Variants in RCAN2 observed in about 807,000 individuals in gnomAD.
RCAN2 encodes calcipressin-2.
Under a neutral mutation model 23.6 loss-of-function variants are expected in RCAN2, and 9 were observed. The ratio of observed to expected loss-of-function variants is 0.38; its 90% CI spans 0.23 to 0.67. The LOEUF is 0.67. Ranked by LOEUF, RCAN2 falls within the 30% of genes least tolerant of loss-of-function variation. The pLI, the probability that RCAN2 is intolerant of heterozygous loss-of-function variation, is 0.51. For missense variants in RCAN2, 273 were observed against 302.3 expected, an observed-to-expected ratio of 0.90 and a Z score of 0.72; for synonymous variants, 109 against 115.7, an observed-to-expected ratio of 0.94 and a Z score of 0.37.
Position 46,347,423 on chromosome 6 carries a change from T to C in RCAN2, c.226-98527A>G, listed in dbSNP as rs538298055. On this transcript the variant is annotated intron_variant, in intron 2 of 4. Coordinates refer to ENST00000371374, the MANE Select transcript of RCAN2 (RefSeq NM_001251974.2). The stretch of plus-strand genomic sequence containing the variant: ...CCATGCCCTTTACATTAGGACACAA[T>C]GTGTAGAAAATGGCATTGGTGTTAG... Among the ~76,000 whole-genome samples, 22 of 152,296 alleles carry C rather than the reference T, an allele frequency of 1.4e-4. No individual in the cohort carries two copies. In the South Asian group the frequency reaches 3.3e-3, roughly 23 times the overall value.
chr6:46,444,716 A>G (rs1767649396), intron 2 of RCAN2, among the ~76,000 whole-genome samples: 1 of 152,102 alleles, frequency 6.6e-6, no homozygotes, highest in South Asian at 2.1e-4. Context: ...CAGCATATTC[A>G]TGGGCCAGGC....
intron 2 of RCAN2, among the ~76,000 whole-genome samples, chr6:46,387,613 G>T (rs945305484): frequency 4.6e-5 from 7 of 152,204 alleles, no homozygotes; most frequent in African/African-American, 1.7e-4. Context: ...ACAGGTGCTG[G>T]AGAGGATGTG....
At chr6:46,323,993 T>G (rs1763707091) in intron 2 of RCAN2, among the ~76,000 whole-genome samples, 1 of 152,220 alleles carries the variant, frequency 6.6e-6, no homozygotes, top group Non-Finnish European at 1.5e-5. Flanking sequence ...CTGTGAAGTT[T>G]TATTCTCCAT....
At position 46,226,249 on chromosome 6, in the gene RCAN2, G is replaced by A. The variant is rs533506863; in HGVS notation, c.572-2948C>T. 5.9e-5 allele frequency among the ~76,000 whole-genome samples: 9 copies of A among 152,290 alleles called. No homozygotes were observed. The East Asian group carries it at 1.7e-3, about 29-fold the overall frequency. On this transcript the variant is annotated intron_variant, in intron 4 of 4. Coordinates refer to ENST00000371374, the MANE Select transcript of RCAN2 (RefSeq NM_001251974.2). ...CCTCCAGGTTTGTTCTTTTGGCTTA[G>A]GATTGTCTTGGCAATGTGAGCTCTT...
intron 2 of RCAN2, among the ~76,000 whole-genome samples, chr6:46,413,660 AACGGCACCAAATGGCCCTG>A (rs1561895724): frequency 6.6e-6 from 1 of 152,242 alleles, no homozygotes; most frequent in Admixed American, 6.5e-5. Flanking sequence ...AGCTGGCTCC[AACGGCACCAAATGGCCCTG>A]CCTCCTGTCT....
At chr6:46,377,950 G>A (rs1169308066) in intron 2 of RCAN2, among the ~76,000 whole-genome samples, 1 of 152,174 alleles carries the variant, frequency 6.6e-6, no homozygotes, top group Non-Finnish European at 1.5e-5. Flanking sequence ...GTAGGATCTT[G>A]TAGGATTAAA....
At chr6:46,321,700 C>T (rs1199070176) in intron 2 of RCAN2, among the ~76,000 whole-genome samples, 2 of 152,196 alleles carry the variant, frequency 1.3e-5, no homozygotes, top group African/African-American at 4.8e-5. Context: ...CACTCTGCAG[C>T]TCTGAGAAGG....
chr6:46,359,203 G>A (rs930463169), intron 2 of RCAN2, among the ~76,000 whole-genome samples: 6 of 152,184 alleles, frequency 3.9e-5, no homozygotes, highest in Admixed American at 2.0e-4. Context: ...GGCGTAACAG[G>A]TGCCCAACCT....
intron 1 of RCAN2, among the ~76,000 whole-genome samples, chr6:46,477,768 A>G (rs1033911621): frequency 2.0e-5 from 3 of 152,168 alleles, no homozygotes; most frequent in African/African-American, 7.2e-5. Flanking sequence ...GCAAGGATGT[A>G]AGACACATCC....
At chr6:46,488,708 C>T (rs924752582) in intron 1 of RCAN2, among the ~76,000 whole-genome samples, 3 of 152,158 alleles carry the variant, frequency 2.0e-5, no homozygotes, top group African/African-American at 4.8e-5. Context: ...CTTATTTACT[C>T]CCTCAGTTAA....
chr6:46,282,889 G>C (rs893510598), intron 2 of RCAN2, among the ~76,000 whole-genome samples: 1 of 152,172 alleles, frequency 6.6e-6, no homozygotes, highest in South Asian at 2.1e-4. Context: ...AATAATAAAC[G>C]TACAACATAA....
At chr6:46,237,129 T>G (rs1361277644) in intron 4 of RCAN2, among the ~76,000 whole-genome samples, 1 of 152,220 alleles carries the variant, frequency 6.6e-6, no homozygotes, top group Non-Finnish European at 1.5e-5. Flanking sequence ...AAAGGGAGCC[T>G]AGTTTTGTCT....
intron 2 of RCAN2, among the ~76,000 whole-genome samples, chr6:46,380,363 A>G (rs1765589324): frequency 2.0e-5 from 3 of 152,216 alleles, no homozygotes; most frequent in Admixed American, 6.5e-5. Flanking sequence ...AAAAAAGTTC[A>G]GTTTCCAGAG....
chr6:46,295,188 T>C (rs1762686046), intron 2 of RCAN2, among the ~76,000 whole-genome samples: 1 of 152,148 alleles, frequency 6.6e-6, no homozygotes, highest in Non-Finnish European at 1.5e-5. Context: ...TCCCTCCGCA[T>C]GCTTTGTTGG....
chr6:46,361,390 G>C (rs1431186498), intron 2 of RCAN2, among the ~76,000 whole-genome samples: 1 of 152,128 alleles, frequency 6.6e-6, no homozygotes, highest in Non-Finnish European at 1.5e-5. Flanking sequence ...AACTCCAGGG[G>C]AAAGGTAAAA....
chr6:46,488,553 A>C (rs1582241870), intron 1 of RCAN2, among the ~76,000 whole-genome samples: 1 of 152,222 alleles, frequency 6.6e-6, no homozygotes, highest in Non-Finnish European at 1.5e-5. Context: ...AAGCAACCTT[A>C]CACAGTCTCA....
chr6:46,397,657 C>T (rs1230850584), intron 2 of RCAN2, among the ~76,000 whole-genome samples: 3 of 151,908 alleles, frequency 2.0e-5, no homozygotes, highest in Non-Finnish European at 4.4e-5. Context: ...TAATAATAGA[C>T]CCTTTACATG....
At position 46,221,259 on chromosome 6, in the gene RCAN2, A is replaced by G. The variant is rs575913902; in HGVS notation, c.*1882T>C. The G allele has an allele frequency of 6.5e-6, 1 of 152,700 alleles. No homozygotes were observed. The highest frequency in any genetic ancestry group is 2.1e-4 in the South Asian group (1 of 4,832). 9.5% of individuals were successfully genotyped at this position (152,700 alleles called of 1,614,324 possible). ...AACCTGCATTCTGGAAATTCAGGGT[A>G]GCTTAAAAAATCAAGTCAAATGACC... On this transcript the variant is annotated 3_prime_UTR_variant, in exon 5 of 5. Transcript: ENST00000371374.
intron 2 of RCAN2, among the ~76,000 whole-genome samples, chr6:46,277,312 T>C (rs924635897): frequency 7.1e-4 from 108 of 152,342 alleles, no homozygotes; most frequent in African/African-American, 2.5e-3. Flanking sequence ...ATACCATTCT[T>C]GGTAAAAATT....
Sources: allele counts gnomAD v4.1 joint callset (sites outside exome capture counted in the v4.1 genomes callset), GRCh38; gene constraint gnomAD v4.1.1; transcripts MANE v1.5; gene names NCBI Gene and HGNC (gene_info 2026-07-23, HGNC 2026-07-21).